Variants in CHCHD3 observed in about 807,000 individuals in gnomAD.
The protein encoded by CHCHD3 is coiled-coil-helix-coiled-coil-helix domain containing 3, also known as MICOS complex subunit MIC19.
CHCHD3 carries 20 observed loss-of-function variants against 38.2 expected under a neutral mutation model. That is an observed-to-expected ratio of 0.52 (90% CI 0.37 to 0.76). The LOEUF is 0.76. Among genes scored for constraint, CHCHD3 ranks in the 30% least tolerant of loss-of-function variants. The pLI is 0.00. For missense variants in CHCHD3, 245 were observed against 279.2 expected (o/e 0.88, Z 0.87); for synonymous variants, 82 against 100.0 (o/e 0.82, Z 1.07).
rs1430911426 is a variant in CHCHD3 at position 132,885,692 on chromosome 7, G to A, written c.423C>T (p.Tyr141=). The change falls in exon 5 of 8, where the codon TAC becomes TAT. Residue 141 remains tyrosine (Y), a synonymous_variant. Transcript: ENST00000262570. The part of the protein sequence containing the change: ...DRVLKKQDAF[Y]KEQLARLEER... Reference sequence around the variant, plus strand: ...CCTCCAGTCTAGCCAGCTGTTCTTTGTAGAATGCATCCTGCTTCTTTAGCA... The same window carrying A: ...CCTCCAGTCTAGCCAGCTGTTCTTTATAGAATGCATCCTGCTTCTTTAGCA... The A allele has an allele frequency of 1.9e-6, 3 of 1,608,714 alleles. No homozygotes were observed. Among genetic ancestry groups the A allele is most frequent in the African/African-American group, 1.3e-5 (1 of 74,590 alleles).
rs561652712 is a variant in CHCHD3 at position 132,847,682 on chromosome 7, T to C, written c.454-9213A>G. Among the ~76,000 whole-genome samples, 12 of 152,340 alleles carry C rather than the reference T, an allele frequency of 7.9e-5. No individual in the cohort carries two copies. The East Asian group carries it at 2.3e-3, about 29-fold the overall frequency. On this transcript the variant is annotated intron_variant, in intron 5 of 7. Transcript: ENST00000262570. Reference sequence around the variant, plus strand: ...GCACAGATACACATTATTGCTCGATTTGAAAACTATCTGTTTTCAAGTTCT... The same window carrying C: ...GCACAGATACACATTATTGCTCGATCTGAAAACTATCTGTTTTCAAGTTCT...
intron 7 of CHCHD3, among the ~76,000 whole-genome samples, chr7:132,793,251 T>G (rs905699408): frequency 5.3e-5 from 8 of 152,166 alleles, no homozygotes; most frequent in Non-Finnish European, 1.2e-4. Flanking sequence ...GGGAACCAGG[T>G]ATCAAAGGTA....
chr7:133,044,967 G>C (rs1002785706), intron 2 of CHCHD3, among the ~76,000 whole-genome samples: 1 of 152,236 alleles, frequency 6.6e-6, no homozygotes, highest in Non-Finnish European at 1.5e-5. Flanking sequence ...TGCATGATGC[G>C]GGGTTAGGGG....
At chr7:132,910,228 G>A (rs150850297) in intron 4 of CHCHD3, among the ~76,000 whole-genome samples, 86 of 152,214 alleles carry the variant, frequency 5.6e-4, no homozygotes, top group African/African-American at 2.0e-3. Flanking sequence ...TATTTGTACC[G>A]GTAAAACTTG....
chr7:132,915,917 T>C (rs1457805023), intron 4 of CHCHD3, among the ~76,000 whole-genome samples: 1 of 151,994 alleles, frequency 6.6e-6, no homozygotes, highest in Admixed American at 6.5e-5. Flanking sequence ...TTGTGCTTTG[T>C]GGTGAGTTTG....
intron 4 of CHCHD3, among the ~76,000 whole-genome samples, chr7:132,948,350 TAGAC>T (rs1270001657): frequency 6.6e-6 from 1 of 151,842 alleles, no homozygotes; most frequent in African/African-American, 2.4e-5. Flanking sequence ...CAACTCTTGA[TAGAC>T]AGAAAGAAAA....
At chr7:132,875,173 A>T (rs1164421104) in intron 5 of CHCHD3, among the ~76,000 whole-genome samples, 1 of 152,186 alleles carries the variant, frequency 6.6e-6, no homozygotes, top group Non-Finnish European at 1.5e-5. Flanking sequence ...GAAACACATC[A>T]TGCAGCATCC....
intron 3 of CHCHD3, among the ~76,000 whole-genome samples, chr7:132,994,778 C>T (rs1812373128): frequency 6.6e-6 from 1 of 152,194 alleles, no homozygotes; most frequent in Non-Finnish European, 1.5e-5. Flanking sequence ...TACCTCAACT[C>T]CTTACAACCT....
intron 7 of CHCHD3, among the ~76,000 whole-genome samples, chr7:132,791,615 G>A (rs2117021818): frequency 6.6e-6 from 1 of 152,298 alleles, no homozygotes; most frequent in South Asian, 2.1e-4. Flanking sequence ...ATATGTCACA[G>A]ACTTAGGAGC....
chr7:132,786,479 AG>A (rs1253551818), intron 7 of CHCHD3, among the ~76,000 whole-genome samples: 1 of 152,230 alleles, frequency 6.6e-6, no homozygotes, highest in Admixed American at 6.5e-5. Context: ...GGATGTAGAT[AG>A]GAAGAATTCT....
At chr7:132,860,354 TTTTG>T (rs1338310184) in intron 5 of CHCHD3, among the ~76,000 whole-genome samples, 1 of 92,916 alleles carries the variant, frequency 1.1e-5, no homozygotes, top group African/African-American at 3.5e-5. Context: ...CCACATTGTT[TTTTG>T]TTTGTTTCAA....
intron 7 of CHCHD3, among the ~76,000 whole-genome samples, chr7:132,787,805 T>C (rs1463164155): frequency 6.6e-6 from 1 of 152,082 alleles, no homozygotes; most frequent in Non-Finnish European, 1.5e-5. Flanking sequence ...AAAGAACAGA[T>C]ATAAAGGCAG....
At chr7:132,839,717 A>G (rs1234856098) in intron 5 of CHCHD3, among the ~76,000 whole-genome samples, 1 of 152,324 alleles carries the variant, frequency 6.6e-6, no homozygotes, top group African/African-American at 2.4e-5. Flanking sequence ...TGGTTGTCCA[A>G]TGACAGTCAC....
At chr7:132,972,193 G>T (rs963626167) in intron 4 of CHCHD3, among the ~76,000 whole-genome samples, 4 of 152,202 alleles carry the variant, frequency 2.6e-5, no homozygotes, top group African/African-American at 9.6e-5. Context: ...TAATATTCTT[G>T]TATTAATTTA....
At position 132,930,855 on chromosome 7, in the gene CHCHD3, A is replaced by G. The variant is rs545620435; in HGVS notation, c.369+44314T>C. On this transcript the variant is annotated intron_variant, in intron 4 of 7. Coordinates refer to ENST00000262570, the MANE Select transcript of CHCHD3 (RefSeq NM_017812.4). ...AATCCCTATGCCCCTTGCAGCTCTG[A>G]CACTTACTCTTCTAAGAAATTGTAC... Among the ~76,000 whole-genome samples, 4 of 152,224 alleles carry G rather than the reference A, an allele frequency of 2.6e-5. No individual in the cohort carries two copies. In the South Asian group the frequency reaches 6.2e-4, roughly 24 times the overall value.
At chr7:133,081,703 T>A (rs1815174882) in intron 1 of CHCHD3, among the ~76,000 whole-genome samples, 154 bp downstream of exon 1, 1 of 152,220 alleles carries the variant, frequency 6.6e-6, no homozygotes, top group Non-Finnish European at 1.5e-5. Flanking sequence ...TCCCACGTCT[T>A]GAAACTCTAG....
intron 5 of CHCHD3, among the ~76,000 whole-genome samples, chr7:132,878,820 T>C (rs555007455): frequency 6.6e-6 from 1 of 152,282 alleles, no homozygotes; most frequent in South Asian, 2.1e-4. Context: ...TAACAAATAA[T>C]GAGTAAACTA....
At chr7:132,820,626 T>TG (rs918071902) in intron 6 of CHCHD3, among the ~76,000 whole-genome samples, 4 of 150,612 alleles carry the variant, frequency 2.7e-5, no homozygotes, top group African/African-American at 9.7e-5. Context: ...TTTTTTTTTT[T>TG]TTTTTTTTTT....
intron 6 of CHCHD3, among the ~76,000 whole-genome samples, chr7:132,809,224 G>C (rs1389540674): frequency 6.6e-6 from 1 of 151,450 alleles, no homozygotes; most frequent in Non-Finnish European, 1.5e-5. Context: ...GCCTCCCAAA[G>C]TACTAGGATA....
Sources: allele counts gnomAD v4.1 joint callset (sites outside exome capture counted in the v4.1 genomes callset), GRCh38; gene constraint gnomAD v4.1.1; transcripts MANE v1.5; gene names NCBI Gene and HGNC (gene_info 2026-07-23, HGNC 2026-07-21).